HERC1: variants seen among roughly 807,000 people sequenced by gnomAD.
HERC1 encodes the protein HECT and RLD domain containing E3 ubiquitin protein ligase family member 1.
HERC1 carries 160 observed loss-of-function variants against 554.3 expected under a neutral mutation model. The ratio of observed to expected loss-of-function variants is 0.29; its 90% CI spans 0.25 to 0.33. The LOEUF is 0.33. Ranked by LOEUF, HERC1 falls within the 10% of genes least tolerant of loss-of-function variation. The probability of loss-of-function intolerance (pLI) is 1.00; values close to 1 mark genes in which losing one functional copy is unlikely to be tolerated. For missense variants in HERC1, 4,919 were observed against 5,918.5 expected (o/e 0.83, Z 5.54); for synonymous variants, 2,175 against 2,131.7 (o/e 1.02, Z -0.56).
chr15:63,687,899 T>A (rs1016175202), intron 33 of HERC1, among the ~76,000 whole-genome samples: 2 of 152,164 alleles, frequency 1.3e-5, no homozygotes, highest in Non-Finnish European at 2.9e-5. Flanking sequence ...ATGAGCAGGA[T>A]TACTGTGTTC....
chr15:63,686,569 A>C (rs750685108), intron 33 of HERC1, 34 bp from the exon 34 acceptor site: 1 of 1,581,458 alleles, frequency 6.3e-7, no homozygotes, highest in Non-Finnish European at 8.6e-7. Flanking sequence ...GCATTTTGGA[A>C]TAATCCATGT....
chr15:63,782,010 G>C (rs2076303173), intron 1 of HERC1, among the ~76,000 whole-genome samples: 1 of 152,198 alleles, frequency 6.6e-6, no homozygotes, highest in Non-Finnish European at 1.5e-5. Context: ...ATGCAGAAGA[G>C]TTTGAAGCTA....
chr15:63,666,270 T>G, intron 41 of HERC1, 86 bp downstream of exon 41: 1 of 1,375,068 alleles, frequency 7.3e-7, no homozygotes, highest in Non-Finnish European at 1.0e-6. Context: ...CTTACCAAGT[T>G]TCATAGCCTC....
intron 1 of HERC1, among the ~76,000 whole-genome samples, chr15:63,789,773 GCCTGGGCGA>G (rs1350395606): frequency 6.6e-6 from 1 of 150,570 alleles, no homozygotes; most frequent in Non-Finnish European, 1.5e-5. Flanking sequence ...GGTCTCTCCA[GCCTGGGCGA>G]CCAAGCGAGC....
chr15:63,682,524 A>T (rs1442249109), intron 34 of HERC1, among the ~76,000 whole-genome samples: 1 of 152,142 alleles, frequency 6.6e-6, no homozygotes, highest in East Asian at 1.9e-4. Context: ...TAATCTTAGC[A>T]CTTTGGGAGG....
intron 1 of HERC1, among the ~76,000 whole-genome samples, chr15:63,777,328 C>A (rs561844357): frequency 6.6e-6 from 1 of 152,302 alleles, no homozygotes; most frequent in South Asian, 2.1e-4. Context: ...GGGGGAAAAT[C>A]ATGATCCTCC....
intron 1 of HERC1, among the ~76,000 whole-genome samples, chr15:63,791,822 T>C (rs1452596715): frequency 6.6e-6 from 1 of 152,204 alleles, no homozygotes; most frequent in Non-Finnish European, 1.5e-5. Flanking sequence ...CTTCAAATAT[T>C]TTATAAAAGC....
In HERC1 at chr15:63,612,513, G is replaced by A. The variant is rs566874445; in HGVS notation, c.14138C>T (p.Pro4713Leu). 25 of 1,613,986 alleles carry A rather than the reference G, an allele frequency of 1.5e-5. No individual in the cohort carries two copies. The highest frequency in any genetic ancestry group is 4.5e-5 in the East Asian group (2 of 44,884). ...TTTTGCTGTGAGGAGGGACAGCAGC[G>A]GCACAGGAACAATCCAGGACATCCC... The part of the protein sequence containing the change: ...REGMSWIVPV[P>L]LLSLLTAKQL... The change falls in exon 77 of 78, where the codon CCG becomes CTG. Residue 4713 changes from proline (P) to leucine (L), a missense_variant. By Grantham distance (98) the Pro-to-Leu change is moderately conservative (BLOSUM62 -3). Around this residue, in one of 11 missense-constraint regions of HERC1, gnomAD observed 284 missense variants for 294.1 expected, o/e 0.97. Transcript: ENST00000443617. This position sits in a 1 kb window ranked among gnomAD's most constrained non-coding sequence, Gnocchi z 5.0.
intron 1 of HERC1, among the ~76,000 whole-genome samples, chr15:63,829,190 G>T (rs2078041363): frequency 6.6e-6 from 1 of 151,956 alleles, no homozygotes; most frequent in Non-Finnish European, 1.5e-5. Flanking sequence ...AGGCCAAGGT[G>T]GGAGAATAAC....
At chr15:63,652,602 A>G in intron 51 of HERC1, 61 bp from the exon 52 acceptor site, 2 of 1,343,528 alleles carry the variant, frequency 1.5e-6, no homozygotes, top group Non-Finnish European at 2.0e-6. Context: ...ATTATTTGAA[A>G]AAGTTGTATC....
intron 12 of HERC1, among the ~76,000 whole-genome samples, chr15:63,737,118 C>T (rs2074540116): frequency 6.6e-6 from 1 of 151,196 alleles, no homozygotes; most frequent in Admixed American, 6.6e-5. Context: ...GAATGAAGAG[C>T]TCTTATAAAT....
chr15:63,762,808 A>G (rs62020780), intron 3 of HERC1, among the ~76,000 whole-genome samples: 34,440 of 152,184 alleles, frequency 0.23, 4,861 homozygotes, highest in Middle Eastern at 0.35. Flanking sequence ...AAATATTGCA[A>G]CTAATTGTTG....
In HERC1 at chr15:63,747,852, A is replaced by C; in HGVS notation, c.2226T>G (p.Val742=). The C allele has an allele frequency of 6.5e-7, 1 of 1,547,794 alleles. No individual in the cohort carries two copies. Among genetic ancestry groups the C allele is most frequent in the South Asian group, 1.2e-5 (1 of 83,678 alleles). The change falls in exon 11 of 78, where the codon GTT becomes GTG. Residue 742 remains valine (V), a synonymous_variant. Transcript: ENST00000443617. ...AWTALPRDRQ[V]VAWHRPYCVD... ...CACAATAAGGTCGGTGCCATGCAACAACTTGTCTAGAAGGACACATAAGAA... is the reference window on the plus strand; with the variant it reads ...CACAATAAGGTCGGTGCCATGCAACCACTTGTCTAGAAGGACACATAAGAA...
rs371859723 is a variant in HERC1 at position 63,624,168 on chromosome 15, T to A, written c.13435A>T (p.Ile4479Leu). 3.7e-6 allele frequency: 6 copies of A among 1,610,692 alleles called. No homozygotes were observed. Among genetic ancestry groups the A allele is most frequent in the African/African-American group, 2.7e-5 (2 of 74,776 alleles). Reference sequence around the variant, plus strand: ...CATACATATGCTAACCTGGTTGATATCCTCTTTACAGTTATCTGAGGTCCA... The same window carrying A: ...CATACATATGCTAACCTGGTTGATAACCTCTTTACAGTTATCTGAGGTCCA... ...NYGPQITVKR[I>L]STRGRKCKPI... The change falls in exon 72 of 78, where the codon ATA becomes TTA. Residue 4479 changes from isoleucine (I) to leucine (L), a missense_variant. Ile to Leu is a conservative substitution (Grantham distance 5, BLOSUM62 2). Around this residue, in one of 11 missense-constraint regions of HERC1, gnomAD observed 410 missense variants for 467.0 expected, o/e 0.88. Transcript: ENST00000443617.
rs1425613716 is a variant in HERC1 at position 63,669,541 on chromosome 15, T to G, written c.8203A>C (p.Thr2735Pro). 18 of 1,613,700 alleles carry G rather than the reference T, an allele frequency of 1.1e-5. No homozygotes were observed. The highest frequency in any genetic ancestry group is 1.4e-5 in the Non-Finnish European group (16 of 1,179,622). The change falls in exon 40 of 78, where the codon ACA becomes CCA. Residue 2735 changes from threonine to proline, a missense_variant. Physicochemically the swap from Thr to Pro is conservative, Grantham distance 38 (BLOSUM62 -1). Coordinates refer to ENST00000443617, the MANE Select transcript of HERC1 (RefSeq NM_003922.4). Reference sequence around the variant, plus strand: ...TAGTGCATATCAGCACACGCACCTGTGCGGTTAGCTGGCCTTGCTGACTGG... The same window carrying G: ...TAGTGCATATCAGCACACGCACCTGGGCGGTTAGCTGGCCTTGCTGACTGG... ...DSQSARPANR[T>P]ALSDPSSRLS...
intron 1 of HERC1, among the ~76,000 whole-genome samples, chr15:63,777,829 G>C (rs953774279): frequency 6.6e-6 from 1 of 152,024 alleles, no homozygotes; most frequent in Non-Finnish European, 1.5e-5. Flanking sequence ...TGATATTCTT[G>C]AGAGATTTTT....
chr15:63,721,602 A>G (rs1436405087), intron 19 of HERC1, among the ~76,000 whole-genome samples: 2 of 152,222 alleles, frequency 1.3e-5, no homozygotes, highest in South Asian at 2.1e-4. Flanking sequence ...AATAATATGT[A>G]TCTCATTTCA....
At chr15:63,653,719 G>C (rs1288189186) in intron 51 of HERC1, among the ~76,000 whole-genome samples, 2 of 152,086 alleles carry the variant, frequency 1.3e-5, no homozygotes, top group Non-Finnish European at 2.9e-5. Context: ...TATGTAAACA[G>C]TTATACTGTA....
chr15:63,802,311 A>T (rs1178663518), intron 1 of HERC1, among the ~76,000 whole-genome samples: 2 of 152,232 alleles, frequency 1.3e-5, no homozygotes, highest in Non-Finnish European at 2.9e-5. Flanking sequence ...TATTATTGCT[A>T]TTTAAGAAAG....
Sources: allele counts gnomAD v4.1 joint callset (sites outside exome capture counted in the v4.1 genomes callset), GRCh38; gene constraint gnomAD v4.1.1; regional missense constraint gnomAD v4.1.1; non-coding constraint Gnocchi (gnomAD v3.1); transcripts MANE v1.5; gene names NCBI Gene and HGNC (gene_info 2026-07-23, HGNC 2026-07-21).